Variants in ATRNL1 observed in about 807,000 individuals in gnomAD.
ATRNL1 encodes attractin-like protein 1.
ATRNL1 carries 95 observed loss-of-function variants against 182.7 expected under a neutral mutation model. The observed-to-expected ratio is 0.52, with a 90% confidence interval of 0.44 to 0.62. The LOEUF is 0.62. ATRNL1 is among the 20% of genes least tolerant of loss of function. The pLI is 0.00. For missense variants in ATRNL1, 1,471 were observed against 1,679.5 expected (o/e 0.88, Z 2.17); for synonymous variants, 576 against 568.3 (o/e 1.01, Z -0.19).
intron 18 of ATRNL1, among the ~76,000 whole-genome samples, chr10:115,327,346 C>T (rs1210305530): frequency 1.3e-5 from 2 of 152,090 alleles, no homozygotes; most frequent in Non-Finnish European, 2.9e-5. Context: ...TGCTCACCAT[C>T]ACTGACCATC....
chr10:115,316,151 C>A (rs1169640195), intron 18 of ATRNL1, among the ~76,000 whole-genome samples: 1 of 152,150 alleles, frequency 6.6e-6, no homozygotes, highest in Admixed American at 6.5e-5. Context: ...TTGTTCCCCT[C>A]CCTGTGTCCA....
At chr10:115,931,001 A>C (rs1953377986) in intron 28 of ATRNL1, among the ~76,000 whole-genome samples, 1 of 152,220 alleles carries the variant, frequency 6.6e-6, no homozygotes, top group Non-Finnish European at 1.5e-5. Context: ...TTATTCATAC[A>C]GGATTTGCTT....
intron 26 of ATRNL1, among the ~76,000 whole-genome samples, chr10:115,668,912 C>A (rs1405736127): frequency 6.6e-6 from 1 of 151,990 alleles, no homozygotes; most frequent in Non-Finnish European, 1.5e-5. Flanking sequence ...ATTTTAAAAA[C>A]TAAATGTCAT....
chr10:115,163,654 C>T (rs1554883781), intron 6 of ATRNL1, among the ~76,000 whole-genome samples: 2 of 152,170 alleles, frequency 1.3e-5, no homozygotes, highest in Non-Finnish European at 2.9e-5. Flanking sequence ...GTGTGAGCTA[C>T]CGTGCCTGGC....
At chr10:115,633,073 T>C (rs1435408631) in intron 26 of ATRNL1, among the ~76,000 whole-genome samples, 1 of 151,660 alleles carries the variant, frequency 6.6e-6, no homozygotes, top group Non-Finnish European at 1.5e-5. Flanking sequence ...TTGTATTTTG[T>C]TTTGTTTTGT....
intron 7 of ATRNL1, among the ~76,000 whole-genome samples, chr10:115,167,281 C>T (rs782748219): frequency 2.6e-5 from 4 of 151,784 alleles, no homozygotes; most frequent in African/African-American, 9.7e-5. Flanking sequence ...ATGCTAGTAC[C>T]GTACTATTTA....
At chr10:115,569,664 A>T (rs782144032) in intron 26 of ATRNL1, among the ~76,000 whole-genome samples, 1 of 152,106 alleles carries the variant, frequency 6.6e-6, no homozygotes, top group African/African-American at 2.4e-5. Flanking sequence ...TAGATTGTTA[A>T]TCTTTTTATT....
intron 20 of ATRNL1, among the ~76,000 whole-genome samples, chr10:115,416,496 C>CTTG (rs1403534020): frequency 2.6e-4 from 40 of 151,940 alleles, no homozygotes; most frequent in African/African-American, 9.4e-4. Flanking sequence ...GAATGTAGTT[C>CTTG]TTGTATTGGA....
intron 27 of ATRNL1, among the ~76,000 whole-genome samples, chr10:115,730,513 A>C (rs935637755): frequency 2.0e-5 from 3 of 151,914 alleles, no homozygotes; most frequent in African/African-American, 7.2e-5. Flanking sequence ...CTCCTTTCTC[A>C]GTGTTCATAC....
intron 20 of ATRNL1, among the ~76,000 whole-genome samples, chr10:115,419,721 C>G (rs1845566380): frequency 1.3e-5 from 2 of 152,120 alleles, no homozygotes; most frequent in Admixed American, 1.3e-4. Flanking sequence ...CAAGCAGATA[C>G]AATTATAAAC....
At chr10:115,476,635 G>A (rs1848542574) in intron 24 of ATRNL1, among the ~76,000 whole-genome samples, 1 of 150,536 alleles carries the variant, frequency 6.6e-6, no homozygotes, top group African/African-American at 2.4e-5. Context: ...GTTCTTTTTT[G>A]TCTTTATTAA....
intron 24 of ATRNL1, among the ~76,000 whole-genome samples, chr10:115,502,428 C>T (rs1223414932): frequency 6.6e-6 from 1 of 151,984 alleles, no homozygotes; most frequent in Admixed American, 6.6e-5. Context: ...ATTCATTCAA[C>T]CAAAGTGATA....
intron 21 of ATRNL1, among the ~76,000 whole-genome samples, chr10:115,453,885 C>G: frequency 6.6e-6 from 1 of 151,384 alleles, no homozygotes; most frequent in East Asian, 1.9e-4. Context: ...CAGCATGGCA[C>G]ATGTATACAT....
intron 8 of ATRNL1, among the ~76,000 whole-genome samples, chr10:115,202,391 T>A (rs1592251530): frequency 6.6e-6 from 1 of 151,690 alleles, no homozygotes; most frequent in East Asian, 1.9e-4. Flanking sequence ...CTCTTATTAT[T>A]TTGAGATACA....
chr10:115,335,425 C>T (rs1165434690), intron 19 of ATRNL1, among the ~76,000 whole-genome samples: 1 of 152,100 alleles, frequency 6.6e-6, no homozygotes, highest in Non-Finnish European at 1.5e-5. Context: ...GTCTGGGCCA[C>T]TTTCTAAAAC....
chr10:115,409,694 G>C (rs614722), intron 20 of ATRNL1, among the ~76,000 whole-genome samples: 57,437 of 151,982 alleles, frequency 0.38, 12,028 homozygotes, highest in African/African-American at 0.57. Flanking sequence ...CCAAGAGCAT[G>C]ATAGTAAAAC....
chr10:115,743,401 C>T (rs540449904), intron 27 of ATRNL1, among the ~76,000 whole-genome samples: 1 of 140,966 alleles, frequency 7.1e-6, no homozygotes, highest in Admixed American at 7.5e-5. Context: ...CTGTTGTTCT[C>T]TTGTCCTAGA....
intron 25 of ATRNL1, among the ~76,000 whole-genome samples, chr10:115,547,695 A>G (rs529327758): frequency 7.2e-5 from 11 of 152,214 alleles, no homozygotes; most frequent in Non-Finnish European, 1.6e-4. Flanking sequence ...GGAAAACAAA[A>G]CAAAACAAAA....
intron 5 of ATRNL1, among the ~76,000 whole-genome samples, chr10:115,150,082 T>C (rs1846151088): frequency 6.6e-6 from 1 of 152,066 alleles, no homozygotes; most frequent in Admixed American, 6.6e-5. Flanking sequence ...GTAGGATGTA[T>C]GTGTCTAGGA....
Sources: allele counts gnomAD v4.1 joint callset (sites outside exome capture counted in the v4.1 genomes callset), GRCh38; gene constraint gnomAD v4.1.1; transcripts MANE v1.5; gene names NCBI Gene and HGNC (gene_info 2026-07-23, HGNC 2026-07-21).